CEP128: variants seen among roughly 807,000 people sequenced by gnomAD.
CEP128 encodes centrosomal protein 128kDa.
In CEP128, 132 loss-of-function variants were observed where a neutral mutation model predicts 156.7. The observed-to-expected ratio is 0.84, with a 90% CI of 0.73 to 0.97. The LOEUF is 0.97. Among genes scored for constraint, CEP128 ranks in the 50% least tolerant of loss-of-function variants. The probability of loss-of-function intolerance (pLI) is 0.00; values close to 1 mark genes in which losing one functional copy is unlikely to be tolerated. For missense variants in CEP128, 1,252 were observed against 1,281.9 expected (o/e 0.98, Z 0.36); for synonymous variants, 469 against 448.9 (o/e 1.04, Z -0.57).
chr14:80,892,797 T>TATATCAAAAGCTATATCAAA (rs1889165286), intron 8 of CEP128, among the ~76,000 whole-genome samples: 1 of 151,928 alleles, frequency 6.6e-6, no homozygotes, highest in Non-Finnish European at 1.5e-5. Flanking sequence ...TATCAAAAGG[T>TATATCAAAAGCTATATCAAA]ATTTAACATA....
At chr14:80,881,847 A>T (rs1046018115) in intron 8 of CEP128, among the ~76,000 whole-genome samples, 4 of 152,204 alleles carry the variant, frequency 2.6e-5, no homozygotes, top group African/African-American at 9.7e-5. Flanking sequence ...AAAACTGAGT[A>T]ACCAAGGAAT....
At chr14:80,550,414 C>T (rs553089543) in intron 21 of CEP128, among the ~76,000 whole-genome samples, 2 of 152,040 alleles carry the variant, frequency 1.3e-5, no homozygotes, top group Admixed American at 6.5e-5. Context: ...CATTTTCTCA[C>T]AATATTGTAA....
intron 5 of CEP128, 51 bp downstream of exon 5, chr14:80,905,904 A>G (rs1224607823): frequency 6.3e-7 from 1 of 1,583,900 alleles, no homozygotes; most frequent in South Asian, 1.1e-5. Context: ...TGTATTCAAT[A>G]TCTACTTCAA....
chr14:80,698,777 T>TA (rs569419043), intron 19 of CEP128, among the ~76,000 whole-genome samples: 46 of 152,028 alleles, frequency 3.0e-4, no homozygotes, highest in African/African-American at 8.4e-4. Flanking sequence ...ACCCCATTCT[T>TA]AAAAAAAAGT....
intron 19 of CEP128, among the ~76,000 whole-genome samples, chr14:80,603,056 G>A (rs1203871519): frequency 6.6e-6 from 1 of 152,128 alleles, no homozygotes; most frequent in Admixed American, 6.5e-5. Context: ...ACTTTCCAAA[G>A]GGCTTTTAAA....
chr14:80,777,887 C>A lies in CEP128; in HGVS notation c.2371G>T (p.Glu791Ter). The A allele has an allele frequency of 6.3e-7, 1 of 1,597,158 alleles. No individual in the cohort carries two copies. ...GAATTCACTCATATTTTTACCCTTT[C>A]TTCTAGTTGATCCTTCAAACATTGA... ...KYQCLKDQLE[E>*]REKHISIEEE... Residue 791 changes from glutamate (E) to a stop codon, truncating the protein, a stop_gained, in exon 16 of 25, where the codon GAA (glutamate) becomes TAA (stop). Coordinates refer to ENST00000555265, the MANE Select transcript of CEP128 (RefSeq NM_152446.5). LOFTEE classifies it high-confidence loss of function.
chr14:80,850,048 T>C (rs1454767579), intron 9 of CEP128, among the ~76,000 whole-genome samples: 1 of 151,748 alleles, frequency 6.6e-6, no homozygotes, highest in Non-Finnish European at 1.5e-5. Flanking sequence ...GTTTCTTCCA[T>C]AGAGGGAGGG....
chr14:80,894,663 G>C lies in CEP128; in HGVS notation c.645+1055C>G, dbSNP rs554817223. 7.0e-5 allele frequency: 29 copies of C among 414,478 alleles called. 1 individual carries two copies. Among genetic ancestry groups the C allele is most frequent in the Middle Eastern group, 3.6e-4 (1 of 2,806 alleles). The allele number at this position is 414,478 out of a possible 1,614,324, so 25.7% of individuals were successfully genotyped here. ...GGCATTGTATCTTCACCTTTCCAAG[G>C]CTCTTCACAAAAAACTTAATACCAA... On this transcript the variant is annotated intron_variant, in intron 8 of 24. Transcript: ENST00000555265.
intron 19 of CEP128, among the ~76,000 whole-genome samples, chr14:80,678,367 C>CA (rs34444017): frequency 0.029 from 3,851 of 131,224 alleles, 135 homozygotes; most frequent in African/African-American, 0.094. Context: ...CACTCCATTC[C>CA]AAAAAAAAAA....
upstream of CEP128, among the ~76,000 whole-genome samples, chr14:80,943,055 G>A (rs11850467): frequency 0.063 from 9,654 of 152,218 alleles, 1,013 homozygotes; most frequent in African/African-American, 0.22. Context: ...CAGAGTTTAA[G>A]ATAATTCAGA....
At chr14:80,668,894 A>C (rs1895732652) in intron 19 of CEP128, among the ~76,000 whole-genome samples, 1 of 152,138 alleles carries the variant, frequency 6.6e-6, no homozygotes, top group Non-Finnish European at 1.5e-5. Context: ...TTATAAAAGG[A>C]AGTTCCCCTG....
Position 80,801,910 on chromosome 14 carries a change from C to CAAAAAAAAAAAAAA in CEP128, c.1210-8814_1210-8801dup, listed in dbSNP as rs71103882. On this transcript the variant is annotated intron_variant, in intron 13 of 24. Coordinates refer to ENST00000555265, the MANE Select transcript of CEP128 (RefSeq NM_152446.5). ...GTGACAGTGTGAGACTCTGTCTCCC[C>CAAAAAAAAAAAAAA]AAAAAAAAAAAAAAAAAAAAAAAAA... Among the ~76,000 whole-genome samples the CAAAAAAAAAAAAAA allele has an allele frequency of 2.1e-4, 9 of 43,386 alleles. 4 individuals are homozygous for CAAAAAAAAAAAAAA. Among genetic ancestry groups the CAAAAAAAAAAAAAA allele is most frequent in the African/African-American group, 8.0e-4 (7 of 8,786 alleles). The allele number at this position is 43,386 out of a possible 152,430, so 28.5% of individuals were successfully genotyped here. A position where few individuals can be genotyped will look rare whatever the true frequency, so the allele number is the denominator to read the frequency against.
chr14:80,727,963 A>T (rs968929535), intron 19 of CEP128, among the ~76,000 whole-genome samples: 3 of 152,204 alleles, frequency 2.0e-5, no homozygotes, highest in African/African-American at 4.8e-5. Context: ...TTCTAAAAAA[A>T]CTTAAAACTA....
chr14:80,511,476 T>C (rs1888253818), intron 23 of CEP128, among the ~76,000 whole-genome samples: 1 of 152,016 alleles, frequency 6.6e-6, no homozygotes, highest in Non-Finnish European at 1.5e-5. Flanking sequence ...AGATTTTATT[T>C]ATTTGGGTCT....
chr14:80,862,201 C>G (rs140733453), intron 9 of CEP128, among the ~76,000 whole-genome samples: 1 of 152,210 alleles, frequency 6.6e-6, no homozygotes, highest in East Asian at 1.9e-4. Context: ...CTCCATGGGC[C>G]ATATATACTT....
At chr14:80,550,360 T>C (rs1208562334) in intron 21 of CEP128, among the ~76,000 whole-genome samples, 1 of 152,160 alleles carries the variant, frequency 6.6e-6, no homozygotes, top group Non-Finnish European at 1.5e-5. Context: ...TTTTAAGTTA[T>C]CTAAATGTTT....
chr14:80,556,795 T>G (rs1890456376), intron 21 of CEP128, among the ~76,000 whole-genome samples: 1 of 152,162 alleles, frequency 6.6e-6, no homozygotes, highest in Non-Finnish European at 1.5e-5. Context: ...ACCAACAACA[T>G]TTTTCTAAGT....
At chr14:80,536,908 G>A (rs969471927) in intron 21 of CEP128, among the ~76,000 whole-genome samples, 8 of 150,546 alleles carry the variant, frequency 5.3e-5, no homozygotes, top group African/African-American at 2.0e-4. Context: ...TGTGTATTGG[G>A]GTAAGAGGGT....
chr14:80,854,524 C>G (rs963135146), intron 9 of CEP128, among the ~76,000 whole-genome samples: 1 of 152,046 alleles, frequency 6.6e-6, no homozygotes. Context: ...GGGATACCTT[C>G]CAGGCCGTCA....
Sources: gnomAD v4.1 joint callset for allele counts (sites outside exome capture counted in the v4.1 genomes callset) on GRCh38, gnomAD v4.1.1 for gene constraint, MANE v1.5 for transcripts, NCBI Gene and HGNC (gene_info 2026-07-23, HGNC 2026-07-21) for gene names.